VPS53: variants seen among roughly 807,000 people sequenced by gnomAD.
VPS53 encodes VPS53 subunit of GARP complex, also known as vacuolar protein sorting-associated protein 53 homolog.
VPS53 carries 70 observed loss-of-function variants against 107.0 expected under a neutral mutation model. That is an observed-to-expected ratio of 0.65 (90% CI 0.54 to 0.80). The LOEUF is 0.80. VPS53 is among the 30% of genes least tolerant of loss of function. VPS53 has a pLI of 0.00. For missense variants in VPS53, 917 were observed against 1,049.4 expected (o/e 0.87, Z 1.74); for synonymous variants, 409 against 393.3 (o/e 1.04, Z -0.47).
intron 13 of VPS53, among the ~76,000 whole-genome samples, chr17:569,516 T>C (rs1913845347): frequency 6.6e-6 from 1 of 152,058 alleles, no homozygotes; most frequent in Non-Finnish European, 1.5e-5. Context: ...CTGAATAAAA[T>C]ATAAAAATCC....
intron 5 of VPS53, among the ~76,000 whole-genome samples, chr17:660,935 A>T (rs936793535): frequency 6.6e-6 from 1 of 152,118 alleles, no homozygotes; most frequent in African/African-American, 2.4e-5. Context: ...CCTCCCATGG[A>T]GGAGGAGAAG....
At chr17:695,474 T>C (rs959525881) in intron 4 of VPS53, among the ~76,000 whole-genome samples, 1 of 152,050 alleles carries the variant, frequency 6.6e-6, no homozygotes, top group African/African-American at 2.4e-5. Context: ...GCACAAAGTC[T>C]TCAGTGTAGA....
At chr17:572,411 T>A (rs1914232263) in intron 13 of VPS53, among the ~76,000 whole-genome samples, 2 of 129,622 alleles carry the variant, frequency 1.5e-5, no homozygotes, top group African/African-American at 3.1e-5. Flanking sequence ...GGGAGGGAGG[T>A]GGGGGGGTCA....
At chr17:708,138 A>T (rs1023867582) in intron 2 of VPS53, among the ~76,000 whole-genome samples, 3 of 152,138 alleles carry the variant, frequency 2.0e-5, no homozygotes, top group Non-Finnish European at 2.9e-5. Flanking sequence ...CGAAACTAAG[A>T]AGTAGTAGGA....
At chr17:601,698 G>A (rs1351803886) in intron 12 of VPS53, 97 bp downstream of exon 12, 5 of 877,468 alleles carry the variant, frequency 5.7e-6, no homozygotes, top group South Asian at 3.9e-5. Context: ...ATCTCTGAAC[G>A]TGGCCAAGAG....
rs192027264 is a variant in VPS53 at position 633,620 on chromosome 17, T to C, written c.609-1992A>G. Reference sequence around the variant, plus strand: ...CAAATACTTTCCAAGGTTTTTCCAGTATCTTCAAAACTTTTAAAACCACTC... The same window carrying C: ...CAAATACTTTCCAAGGTTTTTCCAGCATCTTCAAAACTTTTAAAACCACTC... On this transcript the variant is annotated intron_variant, in intron 7 of 21. Coordinates refer to ENST00000437048, the MANE Select transcript of VPS53 (RefSeq NM_001128159.3). Among the ~76,000 whole-genome samples, 13 of 152,308 alleles carry C rather than the reference T, an allele frequency of 8.5e-5. No individual in the cohort carries two copies. The South Asian group carries it at 2.3e-3, about 27-fold the overall frequency.
At chr17:647,899 C>T (rs988364487) in intron 7 of VPS53, among the ~76,000 whole-genome samples, 1 of 152,176 alleles carries the variant, frequency 6.6e-6, no homozygotes, top group South Asian at 2.1e-4. Flanking sequence ...AAATGCTTCT[C>T]GAAAATGAAA....
rs1052017526 is a variant in VPS53, at chr17:624,893, C to CT, written c.975-1220dup. ...TAAATCTACAGGAGTCAATGTGTTT[C>CT]TTTTTTTTTCTTCCTCTTTCTTTCT... On this transcript the variant is annotated intron_variant, in intron 10 of 21. Transcript: ENST00000437048. Among the ~76,000 whole-genome samples, 4 of 151,522 alleles carry CT rather than the reference C, an allele frequency of 2.6e-5. No homozygotes were observed. The East Asian group carries it at 7.7e-4, about 29-fold the overall frequency.
chr17:672,602 G>A (rs1972009494), intron 4 of VPS53, among the ~76,000 whole-genome samples: 1 of 152,182 alleles, frequency 6.6e-6, no homozygotes. Flanking sequence ...CATGGATTAA[G>A]AGGATGGAAT....
intron 7 of VPS53, among the ~76,000 whole-genome samples, chr17:644,653 G>A (rs1055593956): frequency 1.5e-4 from 23 of 150,684 alleles, no homozygotes; most frequent in African/African-American, 5.4e-4. Flanking sequence ...GCACAGTCTC[G>A]GCTCACTGCA....
chr17:573,764 T>C (rs1243056890), intron 13 of VPS53, among the ~76,000 whole-genome samples: 3 of 152,194 alleles, frequency 2.0e-5, no homozygotes, highest in African/African-American at 4.8e-5. Context: ...CATCTAGGTA[T>C]GTCTGGGATC....
intron 4 of VPS53, among the ~76,000 whole-genome samples, chr17:670,600 T>C (rs1046037790): frequency 2.0e-4 from 31 of 152,230 alleles, no homozygotes; most frequent in African/African-American, 7.0e-4. Context: ...CTCTGATTCA[T>C]TGGCAGTGCC....
Position 623,560 on chromosome 17 carries a change from G to A in VPS53, c.1089C>T (p.Ser363=), listed in dbSNP as rs61099969. ...NFEGFLAKRF[S]GCTLTDGTLK... ...GGGTCCCATCGGTCAGGGTGCAGCC[G>A]GAGAAGCGTTTTGCAAGAAACCCCT... The change falls in exon 11 of 22, where the codon TCC becomes TCT. Residue 363 remains serine, a synonymous_variant. Transcript: ENST00000437048. The A allele has an allele frequency of 3.4e-3, 5,424 of 1,613,462 alleles. 92 individuals carry two copies. The African/African-American group carries it at 0.045, about 14-fold the overall frequency.
intron 4 of VPS53, among the ~76,000 whole-genome samples, chr17:686,519 G>T (rs1972591324): frequency 6.6e-6 from 1 of 152,222 alleles, no homozygotes; most frequent in Non-Finnish European, 1.5e-5. Context: ...CAAGAGAAAT[G>T]AACCTTTGAC....
intron 4 of VPS53, among the ~76,000 whole-genome samples, chr17:670,492 T>C (rs1271238649): frequency 2.0e-5 from 3 of 152,214 alleles, no homozygotes; most frequent in Non-Finnish European, 4.4e-5. Context: ...GTGTGGAAGA[T>C]AAGGAGTATG....
intron 2 of VPS53, among the ~76,000 whole-genome samples, chr17:705,039 T>TA (rs937889892): frequency 6.6e-6 from 1 of 152,066 alleles, no homozygotes; most frequent in Non-Finnish European, 1.5e-5. Flanking sequence ...GTATATCCAT[T>TA]AAAAAAAGTT....
At chr17:617,676 C>T (rs147900575) in intron 11 of VPS53, among the ~76,000 whole-genome samples, 5,541 of 145,376 alleles carry the variant, frequency 0.038, 114 homozygotes, top group Middle Eastern at 0.12. Context: ...TAATATTTCC[C>T]GGGTAGCTGG....
intron 5 of VPS53, among the ~76,000 whole-genome samples, chr17:658,547 T>C (rs1282256576): frequency 2.7e-5 from 4 of 150,072 alleles, no homozygotes; most frequent in Non-Finnish European, 5.9e-5. Flanking sequence ...CCCACCAAAG[T>C]GAGAAACTTG....
chr17:609,434 G>A (rs1223853853), intron 11 of VPS53, among the ~76,000 whole-genome samples: 1 of 152,122 alleles, frequency 6.6e-6, no homozygotes, highest in African/African-American at 2.4e-5. Flanking sequence ...GAATAGTGTT[G>A]CTATGAACAT....
Sources: gnomAD v4.1 joint callset for allele counts (sites outside exome capture counted in the v4.1 genomes callset) on GRCh38, gnomAD v4.1.1 for gene constraint, MANE v1.5 for transcripts, NCBI Gene and HGNC (gene_info 2026-07-23, HGNC 2026-07-21) for gene names.